TFAP2E: variants seen among roughly 807,000 people sequenced by gnomAD.
TFAP2E encodes transcription factor AP-2 epsilon.
In TFAP2E, 30 loss-of-function variants were observed where a neutral mutation model predicts 37.9. The ratio of observed to expected loss-of-function variants is 0.79; its 90% CI spans 0.59 to 1.07. The LOEUF is 1.07. Ranked by LOEUF, TFAP2E falls within the 50% of genes least tolerant of loss-of-function variation. The probability of loss-of-function intolerance (pLI) is 0.00; values close to 1 mark genes in which losing one functional copy is unlikely to be tolerated. For missense variants in TFAP2E, 567 were observed against 637.9 expected, an observed-to-expected ratio of 0.89 and a Z score of 1.20; for synonymous variants, 318 against 295.8, an observed-to-expected ratio of 1.08 and a Z score of -0.77.
intron 3 of TFAP2E, among the ~76,000 whole-genome samples, chr1:35,579,258 G>A (rs1649276553): frequency 6.6e-6 from 1 of 150,450 alleles, no homozygotes; most frequent in Admixed American, 6.6e-5. Flanking sequence ...TAGCTGGGTG[G>A]GGTGGCAGGC....
intron 3 of TFAP2E, among the ~76,000 whole-genome samples, chr1:35,582,380 A>G (rs931919416): frequency 6.6e-6 from 1 of 152,022 alleles, no homozygotes; most frequent in Admixed American, 6.6e-5. Context: ...AGTTCTTTAT[A>G]TAATATATTC....
chr1:35,593,899 A>T (rs1649755817), intron 6 of TFAP2E, among the ~76,000 whole-genome samples: 1 of 152,238 alleles, frequency 6.6e-6, no homozygotes, highest in Admixed American at 6.5e-5. Context: ...TGATGGGGAT[A>T]ATAATAGTAT....
At position 35,574,338 on chromosome 1, in the gene TFAP2E, G is replaced by A; in HGVS notation, c.439G>A (p.Ala147Thr). ...GCTCCTGCACGGCCTGGCCGACGGC[G>A]CGCACGGCCTGGCAGACGCACCTCT... ...PRLLHGLADG[A>T]HGLADAPLGL... is the part of the protein sequence containing the mutation. The change falls in exon 2 of 7, where the codon GCG becomes ACG. Residue 147 changes from alanine to threonine, a missense_variant. Transcript: ENST00000373235. The A allele has an allele frequency of 6.9e-7, 1 of 1,446,046 alleles. No homozygotes were observed. Among genetic ancestry groups the A allele is most frequent in the Non-Finnish European group, 9.0e-7 (1 of 1,109,914 alleles). 89.6% of individuals were successfully genotyped at this position (1,446,046 alleles called of 1,614,324 possible).
chr1:35,581,729 C>T (rs1230496239), intron 3 of TFAP2E, among the ~76,000 whole-genome samples: 5 of 151,728 alleles, frequency 3.3e-5, no homozygotes, highest in African/African-American at 2.4e-5. Flanking sequence ...CGTGACACCA[C>T]GTCCGGCTAA....
chr1:35,573,644 T>TC lies in TFAP2E; in HGVS notation c.27+41dup. 6.5e-7 allele frequency: 1 copy of TC among 1,536,156 alleles called. No homozygotes were observed. The highest frequency in any genetic ancestry group is 8.8e-7 in the Non-Finnish European group (1 of 1,141,554). On this transcript the variant is annotated intron_variant, in intron 1 of 6. Coordinates refer to ENST00000373235, the MANE Select transcript of TFAP2E (RefSeq NM_178548.4). The surrounding 1 kb of genome is among the most constrained non-coding windows in gnomAD (Gnocchi z 5.9). ...GCCCGGGACATATTCGGCCGGGGGA[T>TC]CGGGGCGCCTGAGTGCTGGACTTTC...
intron 3 of TFAP2E, among the ~76,000 whole-genome samples, chr1:35,583,270 G>A (rs753052775): frequency 2.0e-5 from 3 of 152,022 alleles, no homozygotes; most frequent in Non-Finnish European, 4.4e-5. Context: ...CTGAGGTCAC[G>A]AAGATTTTTC....
chr1:35,586,908 CTA>C (rs1649496409), intron 3 of TFAP2E, among the ~76,000 whole-genome samples: 1 of 152,224 alleles, frequency 6.6e-6, no homozygotes, highest in East Asian at 1.9e-4. Context: ...GGCTGGAAGG[CTA>C]ACAGCACCGC....
chr1:35,589,513 TGAGA>T (rs368041337), intron 4 of TFAP2E, among the ~76,000 whole-genome samples: 4 of 151,720 alleles, frequency 2.6e-5, no homozygotes, highest in South Asian at 2.1e-4. Flanking sequence ...TGTGTGTGTG[TGAGA>T]GAGTCACCAG....
intron 3 of TFAP2E, among the ~76,000 whole-genome samples, chr1:35,587,653 A>AAAAAGGAAAG (rs796133136): frequency 0.011 from 1,621 of 147,728 alleles, 45 homozygotes; most frequent in African/African-American, 0.039. Flanking sequence ...AAAAAAAAAA[A>AAAAAGGAAAG]AAAGAAAGAA....
chr1:35,591,880 G>A (rs1219585420), intron 6 of TFAP2E, among the ~76,000 whole-genome samples: 1 of 152,100 alleles, frequency 6.6e-6, no homozygotes, highest in Non-Finnish European at 1.5e-5. Flanking sequence ...TAGAGATGGG[G>A]TTTCACCATG....
chr1:35,577,406 C>T lies in TFAP2E; in HGVS notation c.562+2406C>T, dbSNP rs1454887923. 1 of 456,816 alleles carries T rather than the reference C, an allele frequency of 2.2e-6. No homozygotes were observed. The highest frequency in any genetic ancestry group is 2.3e-5 in the Admixed American group (1 of 42,596). 28.3% of individuals were successfully genotyped at this position (456,816 alleles called of 1,614,324 possible). On this transcript the variant is annotated intron_variant, in intron 3 of 6. Transcript: ENST00000373235. The surrounding 1 kb of genome is among the most constrained non-coding windows in gnomAD (Gnocchi z 6.3). ...TTAGCGCCCTCCTTCGTCCTCGGCC[C>T]TTCCGACGGCACGAGGAACTCCTGT...
rs778061209 is a variant in TFAP2E, at chr1:35,590,734, G to A, written c.1005G>A (p.Pro335=). The change falls in exon 6 of 7, where the codon CCG becomes CCA. Residue 335 remains proline (P), a synonymous_variant. Coordinates refer to ENST00000373235, the MANE Select transcript of TFAP2E (RefSeq NM_178548.4). The surrounding 1 kb of genome is among the most constrained non-coding windows in gnomAD (Gnocchi z 6.2). ...AEYLCRQHAD[P]GELHSRKSML... Reference sequence around the variant, plus strand: ...ACCTGTGCCGACAGCACGCTGACCCGGGGGAGCTGCACAGCCGCAAGAGCA... The same window carrying A: ...ACCTGTGCCGACAGCACGCTGACCCAGGGGAGCTGCACAGCCGCAAGAGCA... 1.1e-5 allele frequency: 17 copies of A among 1,531,824 alleles called. No homozygotes were observed. The highest frequency in any genetic ancestry group is 3.7e-5 in the South Asian group (3 of 81,068). 94.9% of individuals were successfully genotyped at this position (1,531,824 alleles called of 1,614,324 possible). A position where few individuals can be genotyped will look rare whatever the true frequency, so the allele number is the denominator to read the frequency against.
intron 6 of TFAP2E, among the ~76,000 whole-genome samples, chr1:35,591,402 C>A (rs990767144): frequency 1.3e-5 from 2 of 152,174 alleles, no homozygotes; most frequent in African/African-American, 4.8e-5. Context: ...TGCCCATCAA[C>A]CCTCTGCTCC....
chr1:35,574,386 G>A lies in TFAP2E; in HGVS notation c.487G>A (p.Ala163Thr). The A allele has an allele frequency of 7.0e-7, 1 of 1,435,428 alleles. No individual in the cohort carries two copies. The highest frequency in any genetic ancestry group is 9.0e-7 in the Non-Finnish European group (1 of 1,106,368). 88.9% of individuals were successfully genotyped at this position (1,435,428 alleles called of 1,614,324 possible). A position where few individuals can be genotyped will look rare whatever the true frequency, so the allele number is the denominator to read the frequency against. ...TCTCGGCCTTCCGGGGCTGGCGGCGGCCCCCGGTCTGGAGGACCTGCAGGT... is the reference window on the plus strand; with the variant it reads ...TCTCGGCCTTCCGGGGCTGGCGGCGACCCCCGGTCTGGAGGACCTGCAGGT... ...APLGLPGLAA[A>T]PGLEDLQAMD... Residue 163 changes from alanine (A) to threonine (T), a missense_variant, in exon 2 of 7, where the codon GCC becomes ACC. Around this residue, in one of 3 missense-constraint regions of TFAP2E, gnomAD observed 312 missense variants for 317.4 expected, o/e 0.98. Coordinates refer to ENST00000373235, the MANE Select transcript of TFAP2E (RefSeq NM_178548.4).
At position 35,594,445 on chromosome 1, in the gene TFAP2E, G is replaced by A. The variant is rs145075836; in HGVS notation, c.1098G>A (p.Leu366=). The A allele has an allele frequency of 4.7e-4, 759 of 1,614,138 alleles. 3 individuals are homozygous for A. Among genetic ancestry groups the A allele is most frequent in the Middle Eastern group, 4.6e-3 (28 of 6,062 alleles). Residue 366 remains leucine, a synonymous_variant, in exon 7 of 7, where the codon CTG becomes CTA. Coordinates refer to ENST00000373235, the MANE Select transcript of TFAP2E (RefSeq NM_178548.4). The part of the protein sequence containing the change: ...ADLMAQDRSP[L]GNSRPALILE... ...TGATGGCTCAGGACCGCTCACCGCTGGGCAACAGCCGCCCAGCACTCATCC... is the reference window on the plus strand; with the variant it reads ...TGATGGCTCAGGACCGCTCACCGCTAGGCAACAGCCGCCCAGCACTCATCC...
chr1:35,589,900 GTA>G, intron 4 of TFAP2E, 28 bp from the exon 5 acceptor site: 5 of 1,609,172 alleles, frequency 3.1e-6, no homozygotes, highest in Non-Finnish European at 4.3e-6. Flanking sequence ...CTTCATAGTT[GTA>G]TGTCTGTCTG....
intron 3 of TFAP2E, among the ~76,000 whole-genome samples, chr1:35,582,796 AC>A (rs1434902086): frequency 1.3e-5 from 2 of 152,076 alleles, no homozygotes; most frequent in African/African-American, 4.8e-5. Flanking sequence ...AGTAACTGGG[AC>A]TACATTCTCA....
In TFAP2E at chr1:35,588,621, C is replaced by T; in HGVS notation, c.785+69C>T. 1 of 1,453,478 alleles carries T rather than the reference C, an allele frequency of 6.9e-7. No homozygotes were observed. Among genetic ancestry groups the T allele is most frequent in the Non-Finnish European group, 9.2e-7 (1 of 1,084,730 alleles). 90.0% of individuals were successfully genotyped at this position (1,453,478 alleles called of 1,614,324 possible). On this transcript the variant is annotated intron_variant, in intron 4 of 6. Coordinates refer to ENST00000373235, the MANE Select transcript of TFAP2E (RefSeq NM_178548.4). This position sits in a 1 kb window ranked among gnomAD's most constrained non-coding sequence, Gnocchi z 5.1. Reference sequence around the variant, plus strand: ...GCCTCTTCAGGCCTTCTCAAGGCATCAGAGAGGAGGCCAGTCTCACCTAGG... The same window carrying T: ...GCCTCTTCAGGCCTTCTCAAGGCATTAGAGAGGAGGCCAGTCTCACCTAGG...
chr1:35,594,451 C>T lies in TFAP2E; in HGVS notation c.1104C>T (p.Asn368=). ...CTCAGGACCGCTCACCGCTGGGCAA[C>T]AGCCGCCCAGCACTCATCCTGGAGC... The part of the protein sequence containing the change: ...LMAQDRSPLG[N]SRPALILEPG... Residue 368 remains asparagine, a synonymous_variant, in exon 7 of 7, where the codon AAC becomes AAT. Coordinates refer to ENST00000373235, the MANE Select transcript of TFAP2E (RefSeq NM_178548.4). 2 of 1,614,190 alleles carry T rather than the reference C, an allele frequency of 1.2e-6. No homozygotes were observed. The highest frequency in any genetic ancestry group is 1.7e-6 in the Non-Finnish European group (2 of 1,180,036).
Sources: gnomAD v4.1 joint callset for allele counts (sites outside exome capture counted in the v4.1 genomes callset) on GRCh38, gnomAD v4.1.1 for gene constraint, gnomAD v4.1.1 regional missense constraint, Gnocchi (gnomAD v3.1) non-coding constraint, MANE v1.5 for transcripts, NCBI Gene and HGNC (gene_info 2026-07-23, HGNC 2026-07-21) for gene names.